B4GALT5: variants seen among roughly 807,000 people sequenced by gnomAD.
B4GALT5 encodes beta-1,4-galactosyltransferase 5.
B4GALT5 carries 11 observed loss-of-function variants against 45.0 expected under a neutral mutation model. The ratio of observed to expected loss-of-function variants is 0.24; its 90% CI spans 0.15 to 0.40. The LOEUF (loss-of-function observed/expected upper bound fraction) is 0.40, where lower values mean the gene tolerates loss of function less well. Among genes scored for constraint, B4GALT5 ranks in the 10% least tolerant of loss-of-function variants. B4GALT5 has a pLI of 1.00. For synonymous variants in B4GALT5, 185 were observed against 182.9 expected, an observed-to-expected ratio of 1.01 and a Z score of -0.09; for missense variants, 337 against 500.2, an observed-to-expected ratio of 0.67 and a Z score of 3.11.
At chr20:49,638,755 C>A (rs1190057723) in intron 7 of B4GALT5, among the ~76,000 whole-genome samples, 1 of 151,894 alleles carries the variant, frequency 6.6e-6, no homozygotes, top group Non-Finnish European at 1.5e-5. Context: ...TGACTACATT[C>A]GCTTATAGGA....
At chr20:49,651,532 C>T (rs2085622486) in intron 2 of B4GALT5, among the ~76,000 whole-genome samples, 2 of 150,374 alleles carry the variant, frequency 1.3e-5, no homozygotes, top group African/African-American at 4.9e-5. Context: ...GAGGTTGCAG[C>T]AAGCCAAGAT....
At chr20:49,685,019 GTTATT>G (rs2085779772) in intron 1 of B4GALT5, among the ~76,000 whole-genome samples, 1 of 152,124 alleles carries the variant, frequency 6.6e-6, no homozygotes, top group Non-Finnish European at 1.5e-5. Flanking sequence ...TTTCCATGCT[GTTATT>G]TTATTTTCAA....
chr20:49,703,729 A>AAAAAATAATAATAAT (rs1555814909), intron 1 of B4GALT5, among the ~76,000 whole-genome samples: 34 of 133,782 alleles, frequency 2.5e-4, no homozygotes, highest in African/African-American at 9.2e-4. Flanking sequence ...TTTCTACTAA[A>AAAAAATAATAATAAT]AAAAAAAAAA....
At chr20:49,704,217 T>A (rs1320317765) in intron 1 of B4GALT5, among the ~76,000 whole-genome samples, 1 of 152,160 alleles carries the variant, frequency 6.6e-6, no homozygotes, top group East Asian at 1.9e-4. Flanking sequence ...AAAATAACCC[T>A]GTCTCTCCAT....
intron 1 of B4GALT5, among the ~76,000 whole-genome samples, chr20:49,669,938 A>C (rs2085708936): frequency 1.3e-5 from 2 of 152,236 alleles, no homozygotes; most frequent in African/African-American, 4.8e-5. Flanking sequence ...AAAAATGCTC[A>C]TACCTTCTGA....
At chr20:49,655,866 T>C (rs556320783) in intron 2 of B4GALT5, among the ~76,000 whole-genome samples, 2 of 149,328 alleles carry the variant, frequency 1.3e-5, no homozygotes, top group Admixed American at 6.7e-5. Context: ...GAAGTGGAGG[T>C]TGCAGTGAGC....
intron 1 of B4GALT5, among the ~76,000 whole-genome samples, chr20:49,672,920 G>A (rs1204289069): frequency 6.6e-6 from 1 of 152,174 alleles, no homozygotes; most frequent in Non-Finnish European, 1.5e-5. Context: ...CTGCAAAGGG[G>A]GAAACGTGCA....
chr20:49,684,516 T>C (rs1211147984), intron 1 of B4GALT5: 13 of 506,664 alleles, frequency 2.6e-5, no homozygotes, highest in South Asian at 8.7e-5. Flanking sequence ...TGAGCCAAGG[T>C]TGCGCCACTG....
At chr20:49,661,573 T>C (rs137991453) in intron 1 of B4GALT5, among the ~76,000 whole-genome samples, 132 of 152,274 alleles carry the variant, frequency 8.7e-4, no homozygotes, top group African/African-American at 3.0e-3. Context: ...TCTAATAATA[T>C]GGTCCTGCGC....
chr20:49,679,486 G>T (rs2146348161), intron 1 of B4GALT5, among the ~76,000 whole-genome samples: 1 of 151,198 alleles, frequency 6.6e-6, no homozygotes, highest in East Asian at 1.9e-4. Flanking sequence ...GGCTAACAGG[G>T]TGAAACCCCG....
rs138011420 is a variant in B4GALT5 at position 49,707,593 on chromosome 20, G to T, written c.115+5983C>A. Among the ~76,000 whole-genome samples the T allele has an allele frequency of 6.5e-3, 983 of 152,112 alleles. 4 individuals carry two copies. The highest frequency in any genetic ancestry group is 0.01 in the Non-Finnish European group (702 of 68,002). On this transcript the variant is annotated intron_variant, in intron 1 of 8. Transcript: ENST00000371711. ...GTGGTTATTAGGAAAAGTTGTATTT[G>T]ATTATATAAAACATGTATCTTCTCT...
At chr20:49,654,249 C>T (rs1270428498) in intron 2 of B4GALT5, among the ~76,000 whole-genome samples, 1 of 151,962 alleles carries the variant, frequency 6.6e-6, no homozygotes, top group East Asian at 1.9e-4. Flanking sequence ...CGCCATCTTC[C>T]CCAAGATTAT....
intron 1 of B4GALT5, among the ~76,000 whole-genome samples, chr20:49,669,453 T>C (rs1040824390): frequency 3.3e-5 from 5 of 152,076 alleles, no homozygotes; most frequent in Admixed American, 3.3e-4. Flanking sequence ...TCCCAGCACT[T>C]TGGGAGGCTG....
intron 1 of B4GALT5, among the ~76,000 whole-genome samples, chr20:49,711,277 G>T (rs957073507): frequency 5.9e-5 from 9 of 152,080 alleles, no homozygotes; most frequent in African/African-American, 1.9e-4. Flanking sequence ...AGTGATATAG[G>T]ATTCTAGGCA....
At chr20:49,675,482 T>C (rs1273650422) in intron 1 of B4GALT5, among the ~76,000 whole-genome samples, 1 of 152,194 alleles carries the variant, frequency 6.6e-6, no homozygotes, top group African/African-American at 2.4e-5. Flanking sequence ...CAGAGGCCAA[T>C]TAACATTTCC....
At chr20:49,667,141 A>G (rs2146342356) in intron 1 of B4GALT5, among the ~76,000 whole-genome samples, 1 of 152,134 alleles carries the variant, frequency 6.6e-6, no homozygotes, top group East Asian at 1.9e-4. Context: ...AACATGCTCT[A>G]CTGCCTCTCA....
At chr20:49,712,665 A>G (rs2085919360) in intron 1 of B4GALT5, among the ~76,000 whole-genome samples, 1 of 152,068 alleles carries the variant, frequency 6.6e-6, no homozygotes, top group Admixed American at 6.5e-5. Context: ...GGCACTATCC[A>G]ATACTGAAGA....
intron 1 of B4GALT5, among the ~76,000 whole-genome samples, chr20:49,658,006 T>A (rs188101728): frequency 4.8e-4 from 73 of 152,222 alleles, no homozygotes; most frequent in African/African-American, 1.8e-3. Flanking sequence ...AATCATCTCT[T>A]AAGGTATATC....
At chr20:49,669,007 GT>G (rs2085704352) in intron 1 of B4GALT5, among the ~76,000 whole-genome samples, 2 of 151,964 alleles carry the variant, frequency 1.3e-5, no homozygotes, top group South Asian at 4.2e-4. Context: ...GACCACAGGC[GT>G]ACACCACCAC....
Sources: allele counts gnomAD v4.1 joint callset (sites outside exome capture counted in the v4.1 genomes callset), GRCh38; gene constraint gnomAD v4.1.1; transcripts MANE v1.5; gene names NCBI Gene and HGNC (gene_info 2026-07-23, HGNC 2026-07-21).